Variants in TLK1 observed in about 807,000 individuals in gnomAD.
TLK1 encodes serine/threonine-protein kinase tousled-like 1.
In TLK1, 24 loss-of-function variants were observed where a neutral mutation model predicts 105.3. The ratio of observed to expected loss-of-function variants is 0.23; its 90% CI spans 0.17 to 0.32. TLK1 has a LOEUF of 0.32. Among genes scored for constraint, TLK1 ranks in the 10% least tolerant of loss-of-function variants. The pLI, the probability that TLK1 is intolerant of heterozygous loss-of-function variation, is 1.00. For synonymous variants in TLK1, 321 were observed against 310.4 expected (o/e 1.03, Z -0.36); for missense variants, 558 against 910.5 (o/e 0.61, Z 4.98).
chr2:170,995,419 T>A (rs1253376224), intron 20 of TLK1, among the ~76,000 whole-genome samples: 2 of 152,142 alleles, frequency 1.3e-5, no homozygotes, highest in Non-Finnish European at 2.9e-5. Context: ...CTTCCTGGAT[T>A]CCAGATCTCT....
intron 13 of TLK1, 93 bp downstream of exon 13, chr2:171,014,758 G>C: frequency 1.0e-6 from 1 of 985,970 alleles, no homozygotes; most frequent in African/African-American, 1.6e-5. Flanking sequence ...AGTACGATGA[G>C]ACAACCCAAG....
chr2:171,067,030 G>A, intron 3 of TLK1: 1 of 1,477,942 alleles, frequency 6.8e-7, no homozygotes. Flanking sequence ...ACTCACAATG[G>A]AGTAACATAC....
intron 2 of TLK1, among the ~76,000 whole-genome samples, chr2:171,093,398 C>T (rs1436865492): frequency 6.6e-6 from 1 of 152,074 alleles, no homozygotes; most frequent in Non-Finnish European, 1.5e-5. Flanking sequence ...TAAAGTGATA[C>T]CTGATCTGAC....
At chr2:171,015,415 A>AACACACACACACAC (rs56238853) in intron 12 of TLK1, among the ~76,000 whole-genome samples, 29 of 132,696 alleles carry the variant, frequency 2.2e-4, no homozygotes, top group African/African-American at 7.0e-4. Context: ...TTGGAGTACA[A>AACACACACACACAC]ACACACACAC....
rs777983336 is a variant in TLK1, at chr2:171,014,995, TATAAAAAAG to T, written c.1237-56_1237-48del. 9 of 1,397,822 alleles carry T rather than the reference TATAAAAAAG, an allele frequency of 6.4e-6. No individual in the cohort carries two copies. The South Asian group carries it at 8.1e-5, about 13-fold the overall frequency. The allele number at this position is 1,397,822 out of a possible 1,614,324, so 86.6% of individuals were successfully genotyped here. A position where few individuals can be genotyped will look rare whatever the true frequency, so the allele number is the denominator to read the frequency against. ...TATAACAAGCTCAATTTATTTGCGA[TATAAAAAAG>T]ATATTTTTACCCATGCATCAATGTT... On this transcript the variant is annotated intron_variant, in intron 12 of 20. Coordinates refer to ENST00000431350, the MANE Select transcript of TLK1 (RefSeq NM_012290.5).
intron 1 of TLK1, among the ~76,000 whole-genome samples, chr2:171,218,397 T>C (rs1285552835): frequency 1.3e-5 from 2 of 152,176 alleles, no homozygotes; most frequent in African/African-American, 4.8e-5. Context: ...TTAATGGGTA[T>C]AAAGTTTCAG....
At chr2:171,209,541 AG>A (rs1693572982) in intron 1 of TLK1, among the ~76,000 whole-genome samples, 1 of 152,234 alleles carries the variant, frequency 6.6e-6, no homozygotes, top group South Asian at 2.1e-4. Flanking sequence ...TCTTTAGTAT[AG>A]TTTACAAAAT....
intron 14 of TLK1, 38 bp downstream of exon 14, chr2:171,011,335 A>C: frequency 6.5e-7 from 1 of 1,546,774 alleles, no homozygotes; most frequent in South Asian, 1.2e-5. Context: ...TATCCTTGCT[A>C]CATTAGTGTA....
At chr2:171,041,257 G>T (rs1319537530) in intron 11 of TLK1, among the ~76,000 whole-genome samples, 1 of 152,186 alleles carries the variant, frequency 6.6e-6, no homozygotes, top group Non-Finnish European at 1.5e-5. Flanking sequence ...CCAAGTACAT[G>T]CATTACCTCC....
At chr2:171,107,011 G>A (rs1176949536) in intron 2 of TLK1, among the ~76,000 whole-genome samples, 1 of 152,176 alleles carries the variant, frequency 6.6e-6, no homozygotes, top group Admixed American at 6.5e-5. Context: ...TGATTGCTAT[G>A]TCTTGTCTCT....
chr2:171,173,962 C>T (rs74804468), intron 1 of TLK1, among the ~76,000 whole-genome samples: 2,222 of 152,278 alleles, frequency 0.015, 37 homozygotes, highest in Middle Eastern at 0.027. Flanking sequence ...CCTAAGACTA[C>T]GGTGTCTCTT....
At chr2:171,220,817 C>A (rs1693794749) in intron 1 of TLK1, among the ~76,000 whole-genome samples, 2 of 151,838 alleles carry the variant, frequency 1.3e-5, no homozygotes, top group African/African-American at 4.8e-5. Flanking sequence ...CCCCTCTCAC[C>A]CCCTAAAAAC....
intron 11 of TLK1, among the ~76,000 whole-genome samples, chr2:171,044,624 C>T (rs1271797281): frequency 6.6e-6 from 1 of 151,912 alleles, no homozygotes; most frequent in East Asian, 1.9e-4. Context: ...TAACCGAAAC[C>T]CTAAGAGTAG....
Position 171,160,382 on chromosome 2 carries a change from C to G in TLK1, c.47G>C (p.Trp16Ser), listed in dbSNP as rs752987352. 1.2e-6 allele frequency: 2 copies of G among 1,605,950 alleles called. No individual in the cohort carries two copies. The highest frequency in any genetic ancestry group is 2.2e-5 in the South Asian group (2 of 90,144). The change falls in exon 1 of 21, where the codon TGG (tryptophan) becomes TCG (serine). Residue 16 changes from tryptophan (W) to serine (S), a missense_variant. Coordinates refer to ENST00000431350, the MANE Select transcript of TLK1 (RefSeq NM_012290.5). The surrounding 1 kb of genome is among the most constrained non-coding windows in gnomAD (Gnocchi z 4.4). Reference protein sequence around the residue: ...SSGSLEGPPSWSQLSTSPTPG... With the variant: ...SSGSLEGPPSSSQLSTSPTPG... ...GGTTGGAGACGTGGAGAGCTGGGAC[C>G]AAGATGGCGGCCCCTCCAAACTTCC...
At chr2:171,184,825 A>G (rs898928297) in intron 1 of TLK1, among the ~76,000 whole-genome samples, 2 of 148,200 alleles carry the variant, frequency 1.3e-5, no homozygotes, top group African/African-American at 5.1e-5. Context: ...TTCACCATTT[A>G]TAATTATGGT....
intron 13 of TLK1, among the ~76,000 whole-genome samples, chr2:171,011,687 G>A (rs1684923422): frequency 6.6e-6 from 1 of 152,062 alleles, no homozygotes; most frequent in South Asian, 2.1e-4. Flanking sequence ...ATATTCAGGA[G>A]CAATGACCAA....
intron 1 of TLK1, among the ~76,000 whole-genome samples, chr2:171,208,256 A>G (rs1277893879): frequency 6.6e-6 from 1 of 152,180 alleles, no homozygotes; most frequent in African/African-American, 2.4e-5. Context: ...TGGTGTTGCT[A>G]TTTTTAAATT....
intron 1 of TLK1, among the ~76,000 whole-genome samples, chr2:171,191,192 A>G (rs1319732185): frequency 6.6e-6 from 1 of 152,026 alleles, no homozygotes; most frequent in South Asian, 2.1e-4. Flanking sequence ...CTTCTTTTCA[A>G]CAAGTTCCCC....
At chr2:171,000,278 T>C (rs1575499292) in intron 18 of TLK1, among the ~76,000 whole-genome samples, 1 of 149,652 alleles carries the variant, frequency 6.7e-6, no homozygotes, top group Non-Finnish European at 1.5e-5. Context: ...CTTGGGAGGC[T>C]GAGGCAGGAG....
Sources: allele counts gnomAD v4.1 joint callset (sites outside exome capture counted in the v4.1 genomes callset), GRCh38; gene constraint gnomAD v4.1.1; non-coding constraint Gnocchi (gnomAD v3.1); transcripts MANE v1.5; gene names NCBI Gene and HGNC (gene_info 2026-07-23, HGNC 2026-07-21).